Variants in GRID1 observed in about 807,000 individuals in gnomAD.
GRID1 encodes glutamate ionotropic receptor delta type subunit 1.
Under a neutral mutation model 98.0 loss-of-function variants are expected in GRID1, and 28 were observed. That is an observed-to-expected ratio of 0.29 (90% CI 0.21 to 0.39). The LOEUF (loss-of-function observed/expected upper bound fraction) is 0.39. GRID1 is among the 10% of genes least tolerant of loss of function. GRID1 has a pLI of 1.00. For synonymous variants in GRID1, 553 were observed against 538.5 expected, an observed-to-expected ratio of 1.03 and a Z score of -0.37; for missense variants, 1,111 against 1,340.5, an observed-to-expected ratio of 0.83 and a Z score of 2.67.
At chr10:86,180,512 G>A (rs1024046743) in intron 3 of GRID1, among the ~76,000 whole-genome samples, 1 of 152,104 alleles carries the variant, frequency 6.6e-6, no homozygotes, top group Non-Finnish European at 1.5e-5. Context: ...CAGGGGCAAT[G>A]ATGCTTTGAA....
chr10:86,340,332 A>G (rs874758), intron 2 of GRID1, among the ~76,000 whole-genome samples: 101,322 of 152,094 alleles, frequency 0.67, 36,455 homozygotes, highest in Non-Finnish European at 0.81. Flanking sequence ...GGCTAAGGCA[A>G]CGCTTCCCTA....
intron 4 of GRID1, among the ~76,000 whole-genome samples, chr10:85,962,585 C>G (rs916297495): frequency 6.6e-6 from 1 of 152,188 alleles, no homozygotes; most frequent in African/African-American, 2.4e-5. Flanking sequence ...TCAAGGCACA[C>G]TAACAGCTCC....
intron 12 of GRID1, among the ~76,000 whole-genome samples, chr10:85,703,762 T>C (rs551790477): frequency 2.6e-5 from 4 of 152,042 alleles, no homozygotes; most frequent in Non-Finnish European, 4.4e-5. Flanking sequence ...CAAGTGGACA[T>C]GAGAAAAATA....
At chr10:85,702,859 G>T (rs556988413) in intron 12 of GRID1, among the ~76,000 whole-genome samples, 75 of 151,072 alleles carry the variant, frequency 5.0e-4, no homozygotes, top group African/African-American at 1.8e-3. Flanking sequence ...TAAGTGAGAA[G>T]AAAAAAGGGG....
intron 12 of GRID1, among the ~76,000 whole-genome samples, chr10:85,691,417 T>C (rs1841330586): frequency 1.3e-5 from 2 of 152,210 alleles, no homozygotes; most frequent in Non-Finnish European, 2.9e-5. Context: ...TCAATTTCCT[T>C]GCTTGTCTCT....
chr10:85,894,413 A>C (rs540428866), intron 5 of GRID1, among the ~76,000 whole-genome samples: 1 of 152,316 alleles, frequency 6.6e-6, no homozygotes, highest in East Asian at 1.9e-4. Flanking sequence ...GTATGATTCC[A>C]TTGATATAAA....
intron 4 of GRID1, among the ~76,000 whole-genome samples, chr10:86,050,744 T>C (rs1843490099): frequency 6.6e-6 from 1 of 151,980 alleles, no homozygotes; most frequent in East Asian, 1.9e-4. Flanking sequence ...GAACTCAATA[T>C]CATAAAGATT....
Position 85,599,826 on chromosome 10 carries a change from TGGTGA to T in GRID1, c.*2442_*2446del, listed in dbSNP as rs1842548542. The T allele has an allele frequency of 8.1e-6, 1 of 122,838 alleles. No homozygotes were observed. Among genetic ancestry groups the T allele is most frequent in the African/African-American group, 3.4e-5 (1 of 29,316 alleles). The allele number at this position is 122,838 out of a possible 1,614,324, so 7.6% of individuals were successfully genotyped here. Reference sequence around the variant, plus strand: ...AAATATATATATATATATATAAACATGGTGAAGAATAACACCATGAGGTGTTAAGG... The same window carrying T: ...AAATATATATATATATATATAAACATAGAATAACACCATGAGGTGTTAAGG... On this transcript the variant is annotated 3_prime_UTR_variant, in exon 16 of 16. Coordinates refer to ENST00000327946, the MANE Select transcript of GRID1 (RefSeq NM_017551.3).
At chr10:86,345,364 C>T (rs1233889102) in intron 2 of GRID1, among the ~76,000 whole-genome samples, 1 of 152,220 alleles carries the variant, frequency 6.6e-6, no homozygotes, top group African/African-American at 2.4e-5. Context: ...AGACCTACCA[C>T]CAGGCCTTGG....
chr10:85,780,081 T>C (rs1276218249), intron 8 of GRID1, among the ~76,000 whole-genome samples: 1 of 152,144 alleles, frequency 6.6e-6, no homozygotes. Context: ...AAGTCAAGAT[T>C]GGATGAAATA....
chr10:85,999,550 C>G (rs1589330837), intron 4 of GRID1, among the ~76,000 whole-genome samples: 1 of 151,944 alleles, frequency 6.6e-6, no homozygotes, highest in Non-Finnish European at 1.5e-5. Flanking sequence ...AACATAGATA[C>G]AAAAAATTTT....
intron 10 of GRID1, among the ~76,000 whole-genome samples, chr10:85,725,875 A>G (rs576116421): frequency 1.3e-5 from 2 of 152,372 alleles, no homozygotes; most frequent in South Asian, 4.1e-4. Flanking sequence ...TCACACTGGC[A>G]TCTCTGGTTC....
intron 2 of GRID1, among the ~76,000 whole-genome samples, chr10:86,216,837 C>T (rs1846183777): frequency 6.6e-6 from 1 of 152,060 alleles, no homozygotes; most frequent in African/African-American, 2.4e-5. Flanking sequence ...TCGGCTATGC[C>T]CAGGACATAG....
intron 8 of GRID1, among the ~76,000 whole-genome samples, chr10:85,825,993 C>A (rs561908744): frequency 6.7e-6 from 1 of 150,252 alleles, no homozygotes; most frequent in South Asian, 2.1e-4. Context: ...AACCATAAAC[C>A]CAAATAAATC....
At chr10:86,147,306 C>T (rs775601394) in intron 3 of GRID1, among the ~76,000 whole-genome samples, 2 of 152,146 alleles carry the variant, frequency 1.3e-5, no homozygotes, top group Non-Finnish European at 2.9e-5. Context: ...TCCAAAGATA[C>T]GTACTTATTT....
intron 12 of GRID1, among the ~76,000 whole-genome samples, chr10:85,685,312 A>G (rs554316906): frequency 6.6e-6 from 1 of 152,336 alleles, no homozygotes; most frequent in East Asian, 1.9e-4. Context: ...AGTAAAATTT[A>G]CAAGATATCA....
At chr10:86,121,182 AG>A (rs1184274268) in intron 4 of GRID1, among the ~76,000 whole-genome samples, 6 of 152,190 alleles carry the variant, frequency 3.9e-5, no homozygotes, top group Admixed American at 6.5e-5. Context: ...TGGACCAGGA[AG>A]TCTCCTCCTG....
chr10:85,975,279 G>A lies in GRID1; in HGVS notation c.727-59040C>T, dbSNP rs535539349. On this transcript the variant is annotated intron_variant, in intron 4 of 15. Transcript: ENST00000327946. The stretch of plus-strand genomic sequence containing the variant: ...TTTGACAAAAACACTGAGATTTCTC[G>A]GGACTTTTTGAAATCCTCCTTGCTG... Among the ~76,000 whole-genome samples the A allele has an allele frequency of 6.9e-4, 105 of 152,272 alleles. No homozygotes were observed. The South Asian group carries it at 0.013, about 19-fold the overall frequency.
In GRID1 at chr10:86,318,124, C is replaced by T. The variant is rs546835633; in HGVS notation, c.235+45817G>A. Among the ~76,000 whole-genome samples, 185 of 152,272 alleles carry T rather than the reference C, an allele frequency of 1.2e-3. 1 individual carries two copies. Among genetic ancestry groups the T allele is most frequent in the African/African-American group, 4.4e-3 (184 of 41,558 alleles). On this transcript the variant is annotated intron_variant, in intron 2 of 15. Transcript: ENST00000327946. ...AGGCCCAGGTGCTTGGGGAGCCTCA[C>T]CCCACTGCCTGCCTCCTCTTCAGAG...
Sources: gnomAD v4.1 joint callset for allele counts (sites outside exome capture counted in the v4.1 genomes callset) on GRCh38, gnomAD v4.1.1 for gene constraint, MANE v1.5 for transcripts, NCBI Gene and HGNC (gene_info 2026-07-23, HGNC 2026-07-21) for gene names.